BBIP1: variants seen among roughly 807,000 people sequenced by gnomAD.
BBIP1 encodes BBSome interacting protein 1.
A neutral mutation model predicts 8.9 loss-of-function variants in BBIP1; 6 were observed. That is an observed-to-expected ratio of 0.67 (90% CI 0.37 to 1.33). The LOEUF is 1.33. Among genes scored for constraint, BBIP1 ranks in the 40% most tolerant of loss-of-function variants. The probability of loss-of-function intolerance (pLI) is 0.02; values close to 1 mark genes in which losing one functional copy is unlikely to be tolerated. For missense variants in BBIP1, 111 were observed against 109.2 expected, an observed-to-expected ratio of 1.02 and a Z score of -0.07; for synonymous variants, 32 against 33.4, an observed-to-expected ratio of 0.96 and a Z score of 0.14.
intron 2 of BBIP1, chr10:110,911,042 G>C (rs746981264): frequency 6.6e-6 from 1 of 152,196 alleles, no homozygotes; most frequent in Non-Finnish European, 1.5e-5. Flanking sequence ...CGTTTCAACT[G>C]CAAGATAAAG....
chr10:110,907,022 T>C (rs1461332082), intron 2 of BBIP1: 4 of 152,270 alleles, frequency 2.6e-5, no homozygotes, highest in African/African-American at 7.2e-5. Flanking sequence ...TTCAGTATTG[T>C]TGAAAGCTGA....
At chr10:110,905,439 G>C (rs566300288) in intron 2 of BBIP1, among the ~76,000 whole-genome samples, 2 of 152,210 alleles carry the variant, frequency 1.3e-5, no homozygotes, top group East Asian at 1.9e-4. Context: ...GTGGGCGCCT[G>C]TAGTCCCAGC....
Position 110,900,508 on chromosome 10 carries a change from T to C in BBIP1, c.131A>G (p.Asp44Gly). The change falls in exon 4 of 4, where the codon GAT becomes GGT. Residue 44 changes from aspartate to glycine, a missense_variant. Coordinates refer to ENST00000448814, the MANE Select transcript of BBIP1 (RefSeq NM_001195305.3). ...TTTACACAGCACCATTGTCATTATA[T>C]CTTCCACAAACAGTGGCCCTAAGTT... is the stretch of plus-strand genomic sequence containing the variant. ...LPKQGPLFVE[D>G]IMTMVLCKPK... The C allele has an allele frequency of 6.5e-7, 1 of 1,532,342 alleles. No homozygotes were observed. The highest frequency in any genetic ancestry group is 1.2e-5 in the South Asian group (1 of 83,282). The allele number at this position is 1,532,342 out of a possible 1,614,324, so 94.9% of individuals were successfully genotyped here.
At position 110,899,139 on chromosome 10, in the gene BBIP1, T is replaced by G. The variant is rs1845907705; in HGVS notation, c.*1221A>C. On this transcript the variant is annotated 3_prime_UTR_variant, in exon 4 of 4. Coordinates refer to ENST00000448814, the MANE Select transcript of BBIP1 (RefSeq NM_001195305.3). ...ACCAATTAACAATAAAGAATGATCA[T>G]ATTTTTAACCTCTTTTACATAGCCT... The G allele has an allele frequency of 6.6e-6, 1 of 152,220 alleles. No homozygotes were observed. Among genetic ancestry groups the G allele is most frequent in the Non-Finnish European group, 1.5e-5 (1 of 68,024 alleles). 9.4% of individuals were successfully genotyped at this position (152,220 alleles called of 1,614,324 possible). A position where few individuals can be genotyped will look rare whatever the true frequency, so the allele number is the denominator to read the frequency against.
chr10:110,907,194 G>A (rs7072811), intron 2 of BBIP1: 15,314 of 152,328 alleles, frequency 0.1, 1,191 homozygotes, highest in East Asian at 0.24. Flanking sequence ...AGGCTAGAGA[G>A]ATGCCTTTCC....
intron 2 of BBIP1, among the ~76,000 whole-genome samples, chr10:110,906,308 A>G (rs567308468): frequency 1.3e-5 from 2 of 152,232 alleles, no homozygotes; most frequent in South Asian, 4.1e-4. Flanking sequence ...GCCTGGCCTC[A>G]TGCCTGGTAT....
At chr10:110,915,072 G>T (rs922800590) in intron 2 of BBIP1, among the ~76,000 whole-genome samples, 1 of 152,144 alleles carries the variant, frequency 6.6e-6, no homozygotes, top group Non-Finnish European at 1.5e-5. Context: ...CCAAATCATC[G>T]CATCAAAACT....
rs1437983979 is a variant in BBIP1 at position 110,918,141 on chromosome 10, G to T, written c.17C>A (p.Ala6Glu). Residue 6 changes from alanine to glutamate, a missense_variant, in exon 2 of 4, where the codon GCA becomes GAA. Physicochemically the swap from Ala to Glu is moderately radical, Grantham distance 107. Transcript: ENST00000448814. Reference sequence around the variant, plus strand: ...TTTACCTGAAAGTTCTGGTCTTTTTGCTGCAGCTTTAAGCATCCAACCCGG... The same window carrying T: ...TTTACCTGAAAGTTCTGGTCTTTTTTCTGCAGCTTTAAGCATCCAACCCGG... MLKAA[A>E]KRPELSGKNT... 6.5e-7 allele frequency: 1 copy of T among 1,535,968 alleles called. No individual in the cohort carries two copies. Among genetic ancestry groups the T allele is most frequent in the Admixed American group, 2.0e-5 (1 of 50,994 alleles).
intron 2 of BBIP1, among the ~76,000 whole-genome samples, chr10:110,909,574 A>T (rs1846225409): frequency 6.6e-6 from 1 of 152,222 alleles, no homozygotes; most frequent in African/African-American, 2.4e-5. Context: ...AGTCTTAGAA[A>T]AAGACAGAAT....
intron 2 of BBIP1, chr10:110,906,609 G>A (rs1846147307): frequency 6.6e-6 from 1 of 152,076 alleles, no homozygotes; most frequent in African/African-American, 2.4e-5. Context: ...GCCCAGGCTG[G>A]GGTGCAGTGG....
At chr10:110,913,363 T>C (rs1416713110) in intron 2 of BBIP1, among the ~76,000 whole-genome samples, 1 of 152,262 alleles carries the variant, frequency 6.6e-6, no homozygotes, top group African/African-American at 2.4e-5. Context: ...TGTTCTAGAT[T>C]ACCATAAGGT....
intron 2 of BBIP1, chr10:110,903,933 ACAT>A (rs922440291): frequency 4.6e-5 from 7 of 152,354 alleles, no homozygotes; most frequent in Middle Eastern, 3.4e-3. Context: ...ACGGGGTATG[ACAT>A]CATTAAGCAA....
chr10:110,907,029 C>G (rs1230160524), intron 2 of BBIP1: 1 of 152,226 alleles, frequency 6.6e-6, no homozygotes, highest in Non-Finnish European at 1.5e-5. Context: ...TTGTTGAAAG[C>G]TGAGAACAGT....
At chr10:110,914,189 C>A (rs1846340806) in intron 2 of BBIP1, among the ~76,000 whole-genome samples, 1 of 152,248 alleles carries the variant, frequency 6.6e-6, no homozygotes, top group South Asian at 2.1e-4. Flanking sequence ...TGCAAAAATA[C>A]AATCTCTGGG....
chr10:110,905,289 C>T (rs977521154), intron 2 of BBIP1, among the ~76,000 whole-genome samples: 1 of 151,424 alleles, frequency 6.6e-6, no homozygotes, highest in Non-Finnish European at 1.5e-5. Context: ...GGGGGCTGGG[C>T]GCGGTGGCTC....
intron 2 of BBIP1, among the ~76,000 whole-genome samples, chr10:110,914,399 T>C (rs1173610367): frequency 6.6e-6 from 1 of 152,046 alleles, no homozygotes; most frequent in African/African-American, 2.4e-5. Flanking sequence ...CCAAGACTTG[T>C]GGTTAACTGA....
chr10:110,913,062 T>C (rs1036840149), intron 2 of BBIP1, among the ~76,000 whole-genome samples: 10 of 152,228 alleles, frequency 6.6e-5, no homozygotes, highest in Non-Finnish European at 1.5e-5. Context: ...TTCACCTTTA[T>C]GTTTTAAATG....
At chr10:110,915,353 C>G (rs371450619) in intron 2 of BBIP1, among the ~76,000 whole-genome samples, 4 of 151,884 alleles carry the variant, frequency 2.6e-5, no homozygotes, top group Non-Finnish European at 5.9e-5. Context: ...AGGGTTTTGC[C>G]GTATTGCCCA....
chr10:110,904,661 CAT>C (rs1451614564), intron 2 of BBIP1: 8 of 152,228 alleles, frequency 5.3e-5, no homozygotes, highest in East Asian at 1.9e-4. Context: ...AATTTTGACT[CAT>C]AGTAATTGGT....
Sources: allele counts gnomAD v4.1 joint callset (sites outside exome capture counted in the v4.1 genomes callset), GRCh38; gene constraint gnomAD v4.1.1; transcripts MANE v1.5; gene names NCBI Gene and HGNC (gene_info 2026-07-23, HGNC 2026-07-21).